The following CPNE8 variants were observed in gnomAD, a reference collection of about 807,000 sequenced individuals.
The protein encoded by CPNE8 is copine-8.
A neutral mutation model predicts 81.5 loss-of-function variants in CPNE8; 45 were observed. The ratio of observed to expected loss-of-function variants is 0.55; its 90% CI spans 0.44 to 0.71. The LOEUF is 0.71. Among genes scored for constraint, CPNE8 ranks in the 30% least tolerant of loss-of-function variants. The probability of loss-of-function intolerance (pLI) is 0.00; values close to 1 mark genes in which losing one functional copy is unlikely to be tolerated. For synonymous variants in CPNE8, 252 were observed against 226.3 expected (o/e 1.11, Z -1.02); for missense variants, 594 against 672.1 (o/e 0.88, Z 1.28).
At chr12:38,796,009 C>A (rs945979044) in intron 6 of CPNE8, among the ~76,000 whole-genome samples, 2 of 152,114 alleles carry the variant, frequency 1.3e-5, no homozygotes, top group Non-Finnish European at 2.9e-5. Context: ...GCCTGTAATC[C>A]CAGCACTTTG....
At position 38,901,559 on chromosome 12, in the gene CPNE8, A is replaced by G. The variant is rs145009605; in HGVS notation, c.98+3878T>C. Among the ~76,000 whole-genome samples, 877 of 152,334 alleles carry G rather than the reference A, an allele frequency of 5.8e-3. 14 individuals carry two copies. The highest frequency in any genetic ancestry group is 0.02 in the African/African-American group (820 of 41,568). Reference sequence around the variant, plus strand: ...TACAGGCATTTTTAGTTAATTAAGTAAGCTAATTAATTTAAAAATCTACAA... The same window carrying G: ...TACAGGCATTTTTAGTTAATTAAGTGAGCTAATTAATTTAAAAATCTACAA... On this transcript the variant is annotated intron_variant, in intron 1 of 19. Transcript: ENST00000331366.
chr12:38,727,663 T>TG (rs1341938808), intron 11 of CPNE8, among the ~76,000 whole-genome samples: 2 of 152,078 alleles, frequency 1.3e-5, no homozygotes, highest in Non-Finnish European at 2.9e-5. Context: ...CAGTTGCAGG[T>TG]GTTTAACAGC....
intron 6 of CPNE8, among the ~76,000 whole-genome samples, chr12:38,821,807 G>A (rs992687332): frequency 6.6e-6 from 1 of 152,130 alleles, no homozygotes; most frequent in African/African-American, 2.4e-5. Flanking sequence ...CCTCCCTGGA[G>A]ATCATTCCAG....
At chr12:38,887,861 TA>T (rs1278790536) in intron 1 of CPNE8, among the ~76,000 whole-genome samples, 3 of 152,200 alleles carry the variant, frequency 2.0e-5, no homozygotes, top group Non-Finnish European at 4.4e-5. Context: ...TGAGATTATA[TA>T]TCATTATTTT....
rs768828214 is a variant in CPNE8, at chr12:38,693,836, T to G, written c.964A>C (p.Asn322His). ...TGGAGGGAAGTGGGCTGAGCAGGGT[T>G]GCCTGATGACAGAACACATATTTCA... ...VAIDFTASNG[N>H]PAQPTSLHYM... is the part of the protein sequence containing the mutation. The change falls in exon 15 of 20, where the codon AAC becomes CAC. Residue 322 changes from asparagine to histidine, a missense_variant and splice_region_variant. Transcript: ENST00000331366. 1.3e-6 allele frequency: 2 copies of G among 1,596,294 alleles called. No homozygotes were observed. The highest frequency in any genetic ancestry group is 3.5e-5 in the Admixed American group (2 of 56,734).
At chr12:38,758,674 A>G (rs745860394) in intron 10 of CPNE8, among the ~76,000 whole-genome samples, 1 of 152,172 alleles carries the variant, frequency 6.6e-6, no homozygotes, top group Non-Finnish European at 1.5e-5. Context: ...TATTGTGAAA[A>G]TTAAATAAGG....
At chr12:38,840,914 G>C (rs962854515) in intron 4 of CPNE8, among the ~76,000 whole-genome samples, 13 of 152,082 alleles carry the variant, frequency 8.5e-5, no homozygotes, top group South Asian at 4.1e-4. Flanking sequence ...TCTTGTATAG[G>C]AAAATATTTG....
intron 13 of CPNE8, among the ~76,000 whole-genome samples, chr12:38,710,769 C>A (rs1052503085): frequency 6.6e-6 from 1 of 152,128 alleles, no homozygotes; most frequent in South Asian, 2.1e-4. Flanking sequence ...CCAGTACAGG[C>A]AGTAGAGGGG....
At chr12:38,879,698 T>A (rs963930148) in intron 1 of CPNE8, among the ~76,000 whole-genome samples, 7 of 152,278 alleles carry the variant, frequency 4.6e-5, no homozygotes, top group African/African-American at 1.7e-4. Context: ...AATATCATTA[T>A]CCTTCCACAG....
chr12:38,689,631 T>C (rs1939623739), intron 15 of CPNE8, among the ~76,000 whole-genome samples: 1 of 152,206 alleles, frequency 6.6e-6, no homozygotes, highest in African/African-American at 2.4e-5. Flanking sequence ...AAAAAATACA[T>C]ACACATAAAT....
intron 14 of CPNE8, among the ~76,000 whole-genome samples, chr12:38,701,778 G>C (rs1003417282): frequency 3.5e-4 from 53 of 152,280 alleles, no homozygotes; most frequent in Admixed American, 1.0e-3. Context: ...ACAGGCATGA[G>C]CCACCATGCC....
rs1259274667 is a variant in CPNE8, at chr12:38,654,635, T to G, written c.1507-565A>C. ...TTTTCTATGTTTTTCCTCCAATAAC[T>G]CATGTCACTTAATCCTAATAGGCTT... On this transcript the variant is annotated intron_variant, in intron 19 of 19. Coordinates refer to ENST00000331366, the MANE Select transcript of CPNE8 (RefSeq NM_153634.3). Among the ~76,000 whole-genome samples, 9 of 151,924 alleles carry G rather than the reference T, an allele frequency of 5.9e-5. 1 individual carries two copies. The highest frequency in any genetic ancestry group is 5.9e-4 in the Admixed American group (9 of 15,244).
At chr12:38,884,176 C>G (rs1342951839) in intron 1 of CPNE8, among the ~76,000 whole-genome samples, 1 of 152,100 alleles carries the variant, frequency 6.6e-6, no homozygotes, top group Non-Finnish European at 1.5e-5. Flanking sequence ...ACACCCTGAA[C>G]CCATCAAAAA....
At chr12:38,905,789 CT>C, upstream of CPNE8, 1 of 985,352 alleles carries the variant, frequency 1.0e-6, no homozygotes, top group Non-Finnish European at 1.2e-6. Flanking sequence ...TCCCAGCCCC[CT>C]TCCGGCAGGC....
chr12:38,679,753 T>C, intron 16 of CPNE8: 1 of 921,956 alleles, frequency 1.1e-6, no homozygotes, highest in Non-Finnish European at 1.3e-6. Flanking sequence ...TTACCATTTA[T>C]TCTACTTAGC....
intron 1 of CPNE8, among the ~76,000 whole-genome samples, chr12:38,896,464 G>T (rs1944390660): frequency 2.0e-5 from 3 of 152,148 alleles, no homozygotes; most frequent in Admixed American, 2.0e-4. Flanking sequence ...TTTATTACAG[G>T]CAATAACTAC....
At chr12:38,670,522 G>T (rs540132138) in intron 19 of CPNE8, among the ~76,000 whole-genome samples, 2 of 152,062 alleles carry the variant, frequency 1.3e-5, no homozygotes, top group Non-Finnish European at 2.9e-5. Context: ...AGGGAAGCAT[G>T]AAAATACATA....
chr12:38,906,471 C>A (rs1944573171), upstream of CPNE8: 2 of 985,528 alleles, frequency 2.0e-6, no homozygotes, highest in Non-Finnish European at 2.4e-6. Flanking sequence ...TCTTCTGGGT[C>A]CCTCGTTTCC....
chr12:38,752,973 G>A (rs1412053799), intron 10 of CPNE8, among the ~76,000 whole-genome samples: 1 of 152,102 alleles, frequency 6.6e-6, no homozygotes, highest in Non-Finnish European at 1.5e-5. Flanking sequence ...ATAGATTCCT[G>A]AATATAAAAT....
Sources: allele counts gnomAD v4.1 joint callset (sites outside exome capture counted in the v4.1 genomes callset), GRCh38; gene constraint gnomAD v4.1.1; transcripts MANE v1.5; gene names NCBI Gene and HGNC (gene_info 2026-07-23, HGNC 2026-07-21).